ARHGAP8: variants seen among roughly 807,000 people sequenced by gnomAD.
ARHGAP8 encodes the protein Rho GTPase activating protein 8, also known as rho GTPase-activating protein 8.
A neutral mutation model predicts 46.1 loss-of-function variants in ARHGAP8; 62 were observed. The observed-to-expected ratio is 1.34, with a 90% CI of 1.10 to 1.66. ARHGAP8 has a LOEUF of 1.66. Ranked by LOEUF, ARHGAP8 falls within the 40% of genes most tolerant of loss-of-function variation. The probability of loss-of-function intolerance (pLI) is 0.00; values close to 1 mark genes in which losing one functional copy is unlikely to be tolerated. For missense variants in ARHGAP8, 923 were observed against 568.4 expected (o/e 1.62, Z -6.34); for synonymous variants, 375 against 243.1 (o/e 1.54, Z -5.05).
intron 1 of ARHGAP8, among the ~76,000 whole-genome samples, chr22:44,766,845 G>T (rs1215118760): frequency 6.6e-6 from 1 of 151,672 alleles, no homozygotes; most frequent in Non-Finnish European, 1.5e-5. Flanking sequence ...CCACACAGCA[G>T]TCTGGCAGCA....
chr22:44,849,288 TC>T, intron 10 of ARHGAP8: 2 of 713,458 alleles, frequency 2.8e-6, no homozygotes, highest in Non-Finnish European at 4.4e-6. Flanking sequence ...GTCAGGGTTG[TC>T]CAGGCCGGTC....
At chr22:44,787,042 A>AC (rs1569144702) in intron 2 of ARHGAP8, among the ~76,000 whole-genome samples, 2 of 145,542 alleles carry the variant, frequency 1.4e-5, no homozygotes, top group Non-Finnish European at 3.0e-5. Flanking sequence ...AAAAACAAAA[A>AC]AAAAAAAAAG....
intron 7 of ARHGAP8, among the ~76,000 whole-genome samples, chr22:44,832,871 A>T (rs1931039231): frequency 6.6e-6 from 1 of 152,110 alleles, no homozygotes; most frequent in Admixed American, 6.5e-5. Flanking sequence ...ATGTACCTAT[A>T]TTCTCAGCTA....
At chr22:44,860,500 G>A (rs1051174525) in intron 11 of ARHGAP8, among the ~76,000 whole-genome samples, 7 of 151,620 alleles carry the variant, frequency 4.6e-5, no homozygotes, top group African/African-American at 1.7e-4. Context: ...ATATGTCACT[G>A]GGTTTAGGAC....
intron 7 of ARHGAP8, among the ~76,000 whole-genome samples, chr22:44,825,923 G>T (rs988900840): frequency 7.7e-6 from 1 of 129,268 alleles, no homozygotes; most frequent in Non-Finnish European, 1.6e-5. Context: ...CGCGTGCTGG[G>T]TGCCTGGTCG....
chr22:44,860,028 C>T (rs921805011), intron 11 of ARHGAP8, among the ~76,000 whole-genome samples, 194 bp downstream of exon 11: 1 of 151,926 alleles, frequency 6.6e-6, no homozygotes, highest in African/African-American at 2.4e-5. Context: ...GACCTCCTGC[C>T]TGTCAGACAG....
intron 11 of ARHGAP8, 89 bp downstream of exon 11, chr22:44,859,923 G>A (rs2147198966): frequency 2.1e-6 from 3 of 1,450,300 alleles, no homozygotes; most frequent in South Asian, 1.3e-5. Context: ...TCCTTGCCCT[G>A]GGTCTGGGGT....
chr22:44,795,600 C>T (rs1357734755), intron 2 of ARHGAP8, among the ~76,000 whole-genome samples: 1 of 152,162 alleles, frequency 6.6e-6, no homozygotes, highest in East Asian at 1.9e-4. Context: ...CTCCCCTCCC[C>T]ACCACCTGCA....
intron 2 of ARHGAP8, among the ~76,000 whole-genome samples, chr22:44,794,300 G>A (rs549486735): frequency 1.2e-4 from 19 of 152,172 alleles, no homozygotes; most frequent in Admixed American, 5.2e-4. Flanking sequence ...TATTATTTCC[G>A]TATTGCAGAT....
At chr22:44,858,551 T>TTTTTTTTTTAA (rs397964298) in intron 10 of ARHGAP8, among the ~76,000 whole-genome samples, 1 of 117,912 alleles carries the variant, frequency 8.5e-6, no homozygotes, top group African/African-American at 3.6e-5. Context: ...TTTTTTTTTT[T>TTTTTTTTTTAA]AAGTAACAGG....
chr22:44,858,790 C>T (rs1189557606), intron 10 of ARHGAP8, among the ~76,000 whole-genome samples: 3 of 149,256 alleles, frequency 2.0e-5, no homozygotes, highest in African/African-American at 7.5e-5. Flanking sequence ...TGGGACACTG[C>T]CTTTCCAAGA....
At chr22:44,839,421 A>G (rs1448757023) in intron 7 of ARHGAP8, among the ~76,000 whole-genome samples, 1 of 152,214 alleles carries the variant, frequency 6.6e-6, no homozygotes, top group Admixed American at 6.5e-5. Flanking sequence ...AGTTCTAATC[A>G]CCGTTTAAGT....
rs140056752 is a variant in ARHGAP8 at position 44,859,749 on chromosome 22, G to C, written c.896G>C (p.Arg299Pro). 2.4e-4 allele frequency: 395 copies of C among 1,613,742 alleles called. No homozygotes were observed. Among genetic ancestry groups the C allele is most frequent in the Non-Finnish European group, 3.2e-4 (380 of 1,180,040 alleles). ...CTTCCAGGTGTGGAGAGCAGCCTGCGTGTCACTGGCTGCCGCCAGATCTTA... is the reference window on the plus strand; with the variant it reads ...CTTCCAGGTGTGGAGAGCAGCCTGCCTGTCACTGGCTGCCGCCAGATCTTA... ...LGITCVESSL[R>P]VTGCRQILRS... is the part of the protein sequence containing the mutation. Residue 299 changes from arginine to proline, a missense_variant, in exon 11 of 12, where the codon CGT becomes CCT. Coordinates refer to ENST00000356099, the MANE Select transcript of ARHGAP8 (RefSeq NM_181335.3).
rs749292883 is a variant in ARHGAP8, at chr22:44,818,450, C to CA, written c.386+3706dup. 2.8e-3 allele frequency among the ~76,000 whole-genome samples: 349 copies of CA among 125,320 alleles called. 2 individuals are homozygous for CA. The highest frequency in any genetic ancestry group is 3.2e-3 in the Non-Finnish European group (201 of 62,750). The allele number at this position is 125,320 out of a possible 152,430, so 82.2% of individuals were successfully genotyped here. ...GGCAACAAGAGTGAGACTCCAGTCT[C>CA]AAAAAAAAAAAAAATTCACCTGCTC... is the stretch of plus-strand genomic sequence containing the variant. On this transcript the variant is annotated intron_variant, in intron 5 of 11. Transcript: ENST00000356099.
chr22:44,836,607 A>C (rs185678159), intron 7 of ARHGAP8, among the ~76,000 whole-genome samples: 1 of 151,170 alleles, frequency 6.6e-6, no homozygotes, highest in Non-Finnish European at 1.5e-5. Flanking sequence ...GTTCACATGC[A>C]CTGCCCATTT....
chr22:44,836,171 G>A (rs6007315), intron 7 of ARHGAP8, among the ~76,000 whole-genome samples: 4,231 of 152,094 alleles, frequency 0.028, 195 homozygotes, highest in African/African-American at 0.098. Flanking sequence ...TTCACCTCAC[G>A]ACAGCTCCAC....
intron 4 of ARHGAP8, among the ~76,000 whole-genome samples, chr22:44,813,874 A>G (rs753174105): frequency 1.3e-5 from 2 of 152,138 alleles, no homozygotes; most frequent in African/African-American, 2.4e-5. Context: ...CACATACACA[A>G]TTGGCTTCCA....
chr22:44,829,351 G>A (rs966705795), intron 7 of ARHGAP8, among the ~76,000 whole-genome samples: 3 of 151,996 alleles, frequency 2.0e-5, no homozygotes, highest in Non-Finnish European at 2.9e-5. Context: ...TTCGAAAGCC[G>A]TCTACCTGAG....
chr22:44,768,644 T>C (rs1321442949), intron 1 of ARHGAP8, among the ~76,000 whole-genome samples: 1 of 151,946 alleles, frequency 6.6e-6, no homozygotes, highest in Non-Finnish European at 1.5e-5. Context: ...CTAGGGGTAT[T>C]TCCTGTAAAC....
Sources: allele counts gnomAD v4.1 joint callset (sites outside exome capture counted in the v4.1 genomes callset), GRCh38; gene constraint gnomAD v4.1.1; transcripts MANE v1.5; gene names NCBI Gene and HGNC (gene_info 2026-07-23, HGNC 2026-07-21).